The following LRMDA variants were observed in gnomAD, a reference collection of about 807,000 sequenced individuals.
The protein encoded by LRMDA is leucine rich melanocyte differentiation associated, also known as leucine-rich melanocyte differentiation-associated protein.
In LRMDA, 18 loss-of-function variants were observed where a neutral mutation model predicts 29.8. The ratio of observed to expected loss-of-function variants is 0.60; its 90% CI spans 0.42 to 0.90. LRMDA has a LOEUF of 0.90. LRMDA is among the 40% of genes least tolerant of loss of function. LRMDA has a pLI of 0.00. For synonymous variants in LRMDA, 125 were observed against 109.4 expected, an observed-to-expected ratio of 1.14 and a Z score of -0.89; for missense variants, 273 against 273.9, an observed-to-expected ratio of 1.00 and a Z score of 0.02.
At chr10:75,921,143 G>C (rs2132388853) in intron 2 of LRMDA, among the ~76,000 whole-genome samples, 2 of 152,278 alleles carry the variant, frequency 1.3e-5, no homozygotes, top group South Asian at 2.1e-4. Context: ...ATGCCAAGTT[G>C]CTGGAGACCT....
At chr10:75,613,383 G>A (rs749948324) in intron 2 of LRMDA, among the ~76,000 whole-genome samples, 2 of 152,214 alleles carry the variant, frequency 1.3e-5, no homozygotes, top group Non-Finnish European at 2.9e-5. Context: ...AATGAGTGGT[G>A]TCCTAAGAAA....
chr10:75,783,437 A>G (rs1201767523), intron 2 of LRMDA, among the ~76,000 whole-genome samples: 1 of 151,078 alleles, frequency 6.6e-6, no homozygotes, highest in Non-Finnish European at 1.5e-5. Context: ...AGCTAGAGTC[A>G]GTAGCATTTA....
chr10:75,851,123 A>G (rs1236235306), intron 2 of LRMDA, among the ~76,000 whole-genome samples: 1 of 152,188 alleles, frequency 6.6e-6, no homozygotes, highest in African/African-American at 2.4e-5. Context: ...TTTAAATGTG[A>G]TCCATTATCT....
chr10:75,831,944 T>C (rs761323019), intron 2 of LRMDA, among the ~76,000 whole-genome samples: 31 of 152,162 alleles, frequency 2.0e-4, no homozygotes, highest in South Asian at 6.2e-4. Context: ...GCACATGGCA[T>C]GGGGACCCTG....
intron 2 of LRMDA, among the ~76,000 whole-genome samples, chr10:75,978,729 C>T (rs945117323): frequency 3.3e-5 from 5 of 152,098 alleles, no homozygotes; most frequent in African/African-American, 1.2e-4. Context: ...TTAGGTGGCA[C>T]AAATACATTT....
chr10:76,091,399 T>C (rs901717241), intron 5 of LRMDA, among the ~76,000 whole-genome samples: 1 of 152,148 alleles, frequency 6.6e-6, no homozygotes, highest in Admixed American at 6.5e-5. Flanking sequence ...TTAACGTTTC[T>C]TCACAAAGAT....
chr10:76,297,285 T>C (rs1430023264), intron 5 of LRMDA, among the ~76,000 whole-genome samples: 1 of 152,228 alleles, frequency 6.6e-6, no homozygotes, highest in East Asian at 1.9e-4. Context: ...ATTTCAGATA[T>C]GGCTTGGGCA....
intron 6 of LRMDA, among the ~76,000 whole-genome samples, chr10:76,530,335 T>C (rs1202571244): frequency 1.3e-5 from 2 of 152,166 alleles, no homozygotes; most frequent in Non-Finnish European, 2.9e-5. Context: ...GGGCAAGGAT[T>C]TTCATAAACT....
At chr10:75,947,915 A>G (rs1846504601) in intron 2 of LRMDA, among the ~76,000 whole-genome samples, 1 of 152,184 alleles carries the variant, frequency 6.6e-6, no homozygotes, top group Admixed American at 6.5e-5. Context: ...GATTCTGTAG[A>G]TAAAGTTCGT....
chr10:75,937,683 T>C (rs1210537334), intron 2 of LRMDA, among the ~76,000 whole-genome samples: 1 of 152,188 alleles, frequency 6.6e-6, no homozygotes, highest in African/African-American at 2.4e-5. Flanking sequence ...TAATCTTGAA[T>C]CTATAATGGT....
intron 6 of LRMDA, among the ~76,000 whole-genome samples, chr10:76,457,133 G>A (rs1842464867): frequency 6.6e-6 from 1 of 152,154 alleles, no homozygotes; most frequent in Non-Finnish European, 1.5e-5. Flanking sequence ...GATCAAGAAA[G>A]TACTTGGCAA....
At chr10:75,541,413 T>G (rs1840013785) in intron 2 of LRMDA, among the ~76,000 whole-genome samples, 1 of 151,740 alleles carries the variant, frequency 6.6e-6, no homozygotes, top group African/African-American at 2.4e-5. Flanking sequence ...TTTTTTTTTT[T>G]TTTTTTTTAA....
chr10:75,963,434 G>C (rs898720514), intron 2 of LRMDA, among the ~76,000 whole-genome samples: 1 of 152,096 alleles, frequency 6.6e-6, no homozygotes, highest in Non-Finnish European at 1.5e-5. Context: ...TCTTTCCTTC[G>C]TTCCCTGGTA....
intron 5 of LRMDA, among the ~76,000 whole-genome samples, chr10:76,151,238 A>G (rs1458531684): frequency 6.6e-6 from 1 of 152,182 alleles, no homozygotes; most frequent in Non-Finnish European, 1.5e-5. Flanking sequence ...TTGCTGTTGG[A>G]CATTTTGTGG....
chr10:75,442,360 T>C (rs1305369074), intron 2 of LRMDA, among the ~76,000 whole-genome samples: 1 of 152,208 alleles, frequency 6.6e-6, no homozygotes, highest in African/African-American at 2.4e-5. Flanking sequence ...TACATTACAT[T>C]ATGTTTAAGT....
intron 2 of LRMDA, among the ~76,000 whole-genome samples, chr10:75,489,226 TAAAAA>T (rs33952475): frequency 5.3e-5 from 7 of 132,072 alleles, no homozygotes; most frequent in Admixed American, 1.6e-4. Flanking sequence ...GGATTTTTAG[TAAAAA>T]AAAAAAAAAA....
chr10:76,283,160 T>C (rs897125422), intron 5 of LRMDA, among the ~76,000 whole-genome samples: 1 of 152,232 alleles, frequency 6.6e-6, no homozygotes, highest in Admixed American at 6.5e-5. Context: ...CCCACAGATC[T>C]GGGAGGAATA....
intron 5 of LRMDA, among the ~76,000 whole-genome samples, chr10:76,223,570 G>T (rs201429656): frequency 6.6e-6 from 1 of 152,144 alleles, no homozygotes; most frequent in Non-Finnish European, 1.5e-5. Flanking sequence ...AGTCATGAGG[G>T]TGGAGCCCTC....
chr10:75,566,694 C>CT (rs1840376011), intron 2 of LRMDA, among the ~76,000 whole-genome samples: 1 of 152,054 alleles, frequency 6.6e-6, no homozygotes, highest in Non-Finnish European at 1.5e-5. Context: ...TTTCTGGCTG[C>CT]TTTTTTTCTT....
Sources: gnomAD v4.1 joint callset for allele counts (sites outside exome capture counted in the v4.1 genomes callset) on GRCh38, gnomAD v4.1.1 for gene constraint, MANE v1.5 for transcripts, NCBI Gene and HGNC (gene_info 2026-07-23, HGNC 2026-07-21) for gene names.